Variants in SHCBP1 observed in about 807,000 individuals in gnomAD.
SHCBP1 encodes the protein SHC SH2 domain-binding protein 1.
SHCBP1 carries 60 observed loss-of-function variants against 75.1 expected under a neutral mutation model. The observed-to-expected ratio is 0.80, with a 90% confidence interval of 0.65 to 0.99. The LOEUF is 0.99. SHCBP1 is among the 50% of genes least tolerant of loss of function. The pLI is 0.00. For missense variants in SHCBP1, 709 were observed against 809.4 expected, an observed-to-expected ratio of 0.88 and a Z score of 1.50; for synonymous variants, 290 against 293.2, an observed-to-expected ratio of 0.99 and a Z score of 0.11.
At chr16:46,608,518 G>A (rs978088339) in intron 4 of SHCBP1, 129 bp from the exon 5 acceptor site, 5 of 626,920 alleles carry the variant, frequency 8.0e-6, no homozygotes, top group Non-Finnish European at 1.4e-5. Context: ...ATTTGCTATG[G>A]TTGATAGTCA....
chr16:46,596,157 C>A (rs1207366547), intron 9 of SHCBP1, among the ~76,000 whole-genome samples: 1 of 152,002 alleles, frequency 6.6e-6, no homozygotes, highest in Admixed American at 6.6e-5. Context: ...CATGAATAGG[C>A]TATTTTTTAC....
chr16:46,593,488 C>T (rs1965084200), intron 10 of SHCBP1, among the ~76,000 whole-genome samples: 1 of 151,994 alleles, frequency 6.6e-6, no homozygotes, highest in Admixed American at 6.6e-5. Context: ...CCCAGCACTT[C>T]GGGAGACTGA....
chr16:46,589,825 A>C (rs1401051496), intron 10 of SHCBP1, among the ~76,000 whole-genome samples: 1 of 152,244 alleles, frequency 6.6e-6, no homozygotes, highest in African/African-American at 2.4e-5. Context: ...ACTACTTTAA[A>C]GTTCATATGG....
intron 8 of SHCBP1, among the ~76,000 whole-genome samples, chr16:46,601,725 T>C (rs1596680371): frequency 6.6e-6 from 1 of 152,176 alleles, no homozygotes; most frequent in African/African-American, 2.4e-5. Flanking sequence ...ACAATAACCA[T>C]TGCTTTTTAT....
intron 5 of SHCBP1, among the ~76,000 whole-genome samples, chr16:46,604,916 A>G (rs1965302658): frequency 6.6e-6 from 1 of 152,222 alleles, no homozygotes; most frequent in African/African-American, 2.4e-5. Context: ...ATGGATCTGA[A>G]TACGACTTTA....
chr16:46,608,292 C>T lies in SHCBP1; in HGVS notation c.689+5G>A. On this transcript the variant is annotated splice_donor_5th_base_variant and intron_variant, in intron 5 of 12. Transcript: ENST00000303383. ...TGTACAACAAGGTCAGCAATAAATA[C>T]TTACAATCTTAATCGAGGTTCAACA... 6.2e-7 allele frequency: 1 copy of T among 1,604,866 alleles called. No individual in the cohort carries two copies. Among genetic ancestry groups the T allele is most frequent in the Non-Finnish European group, 8.5e-7 (1 of 1,171,908 alleles).
intron 9 of SHCBP1, among the ~76,000 whole-genome samples, chr16:46,599,334 T>C (rs1463476640): frequency 8.5e-5 from 13 of 152,128 alleles, no homozygotes; most frequent in Non-Finnish European, 1.5e-5. Context: ...ATAGATGCCA[T>C]TGTAGGGTTA....
At position 46,604,409 on chromosome 16, in the gene SHCBP1, G is replaced by A. The variant is rs1379008591; in HGVS notation, c.742C>T (p.His248Tyr). ...RVPSGLIVDY[H>Y]NLLSQCEESY... is the part of the protein sequence containing the mutation. ...TCCTCACATTGAGACAACAGATTGT[G>A]GTAGTCAACAATAAGTCCTGATGGA... Residue 248 changes from histidine (H) to tyrosine (Y), a missense_variant, in exon 6 of 13, where the codon CAC becomes TAC. By Grantham distance (83) the His-to-Tyr change is moderately conservative. Coordinates refer to ENST00000303383, the MANE Select transcript of SHCBP1 (RefSeq NM_024745.5). The A allele has an allele frequency of 6.2e-7, 1 of 1,614,088 alleles. No individual in the cohort carries two copies. The highest frequency in any genetic ancestry group is 2.2e-5 in the East Asian group (1 of 44,872).
At position 46,592,951 on chromosome 16, in the gene SHCBP1, C is replaced by CAAAAAAAAAAAAAAAAAAAAA; in HGVS notation, c.1464+2580_1464+2600dup. On this transcript the variant is annotated intron_variant, in intron 10 of 12. Coordinates refer to ENST00000303383, the MANE Select transcript of SHCBP1 (RefSeq NM_024745.5). ...AACATCCACTTATGATAAAAATTCT[C>CAAAAAAAAAAAAAAAAAAAAA]AAAAAAAAAAAAAAAAAAAAAAAAA... Among the ~76,000 whole-genome samples the CAAAAAAAAAAAAAAAAAAAAA allele has an allele frequency of 1.7e-3, 39 of 22,790 alleles. 6 individuals carry two copies. The highest frequency in any genetic ancestry group is 0.062 in the Middle Eastern group (1 of 16). The allele number at this position is 22,790 out of a possible 152,430, so 15.0% of individuals were successfully genotyped here.
intron 8 of SHCBP1, 28 bp from the exon 9 acceptor site, chr16:46,599,990 A>T: frequency 6.2e-7 from 1 of 1,609,666 alleles, no homozygotes; most frequent in South Asian, 1.1e-5. Flanking sequence ...ACAACACTCA[A>T]GATGGGTGAG....
chr16:46,621,239 C>A lies in SHCBP1; in HGVS notation c.103+18G>T. ...TCCGCTCAGAGGCGGCTCCTCGGCC[C>A]CGGCATGGAGAGCTCACCTTTCTCC... On this transcript the variant is annotated intron_variant, in intron 1 of 12. Transcript: ENST00000303383. The A allele has an allele frequency of 2.5e-6, 4 of 1,594,780 alleles. No individual in the cohort carries two copies. Among genetic ancestry groups the A allele is most frequent in the Non-Finnish European group, 3.4e-6 (4 of 1,170,220 alleles).
chr16:46,618,401 C>T (rs770820939), intron 1 of SHCBP1, 29 bp from the exon 2 acceptor site: 10 of 1,549,134 alleles, frequency 6.5e-6, no homozygotes, highest in East Asian at 2.3e-5. Flanking sequence ...AATAAGCAAG[C>T]TCCAGTGCCT....
intron 10 of SHCBP1, among the ~76,000 whole-genome samples, chr16:46,591,600 GA>G (rs986881654): frequency 1.4e-5 from 2 of 146,890 alleles, no homozygotes; most frequent in Non-Finnish European, 3.0e-5. Context: ...ACAATTGGCA[GA>G]AAAAAAAAAT....
At chr16:46,582,869 A>AT (rs1255509571) in intron 12 of SHCBP1, among the ~76,000 whole-genome samples, 1 of 152,246 alleles carries the variant, frequency 6.6e-6, no homozygotes. Context: ...GAAAAAGCTG[A>AT]TTAAATAAAT....
At chr16:46,598,384 C>T (rs1402419980) in intron 9 of SHCBP1, among the ~76,000 whole-genome samples, 2 of 152,216 alleles carry the variant, frequency 1.3e-5, no homozygotes, top group South Asian at 2.1e-4. Context: ...ATGAAAACAA[C>T]ATTAATCTCC....
chr16:46,597,281 C>T (rs372095669), intron 9 of SHCBP1, among the ~76,000 whole-genome samples: 9 of 152,136 alleles, frequency 5.9e-5, no homozygotes, highest in African/African-American at 1.2e-4. Context: ...TGATGGCACA[C>T]GCCTGTAGTC....
intron 4 of SHCBP1, among the ~76,000 whole-genome samples, chr16:46,612,633 A>G (rs1196543261): frequency 6.6e-6 from 1 of 152,092 alleles, no homozygotes; most frequent in East Asian, 1.9e-4. Context: ...GAGCCGTTGT[A>G]CCTAAACTCT....
At chr16:46,584,966 G>C (rs1299188623) in intron 10 of SHCBP1, among the ~76,000 whole-genome samples, 1 of 152,060 alleles carries the variant, frequency 6.6e-6, no homozygotes, top group Non-Finnish European at 1.5e-5. Context: ...ACTTAACCCT[G>C]TACATATGCC....
chr16:46,598,586 C>A (rs887054225), intron 9 of SHCBP1, among the ~76,000 whole-genome samples: 11 of 152,126 alleles, frequency 7.2e-5, no homozygotes, highest in Non-Finnish European at 7.3e-5. Context: ...CAGAGTAGAT[C>A]TGGCATAATT....
Sources: gnomAD v4.1 joint callset for allele counts (sites outside exome capture counted in the v4.1 genomes callset) on GRCh38, gnomAD v4.1.1 for gene constraint, MANE v1.5 for transcripts, NCBI Gene and HGNC (gene_info 2026-07-23, HGNC 2026-07-21) for gene names.